Variants in EED observed in about 807,000 individuals in gnomAD.
EED encodes embryonic ectoderm development.
In EED, 9 loss-of-function variants were observed where a neutral mutation model predicts 61.0. The ratio of observed to expected loss-of-function variants is 0.15; its 90% CI spans 0.09 to 0.26. The LOEUF (loss-of-function observed/expected upper bound fraction) is 0.26, where lower values mean the gene tolerates loss of function less well. Among genes scored for constraint, EED ranks in the 10% least tolerant of loss-of-function variants. The pLI is 1.00. For synonymous variants in EED, 187 were observed against 174.4 expected, an observed-to-expected ratio of 1.07 and a Z score of -0.57; for missense variants, 315 against 542.3, an observed-to-expected ratio of 0.58 and a Z score of 4.16.
At chr11:86,280,589 C>T (rs938873652), downstream of EED, among the ~76,000 whole-genome samples, 1 of 152,054 alleles carries the variant, frequency 6.6e-6, no homozygotes, top group Admixed American at 6.5e-5. Context: ...TCTCAAGGGT[C>T]TTAGAAGTTG....
chr11:86,256,673 C>T (rs1945685027), intron 5 of EED, among the ~76,000 whole-genome samples, 161 bp downstream of exon 5: 1 of 152,150 alleles, frequency 6.6e-6, no homozygotes, highest in Admixed American at 6.5e-5. Flanking sequence ...AGACGTTTGT[C>T]ACATTTGGGT....
At chr11:86,270,659 A>G (rs1362518236) in intron 9 of EED, among the ~76,000 whole-genome samples, 1 of 152,176 alleles carries the variant, frequency 6.6e-6, no homozygotes, top group Non-Finnish European at 1.5e-5. Flanking sequence ...GCTATGTTTT[A>G]CATTAAATGT....
intron 9 of EED, among the ~76,000 whole-genome samples, chr11:86,275,593 A>G (rs1444642125): frequency 1.3e-5 from 2 of 152,098 alleles, no homozygotes; most frequent in Non-Finnish European, 2.9e-5. Context: ...CCATCCAGGG[A>G]CTCCAGTACT....
intron 6 of EED, among the ~76,000 whole-genome samples, chr11:86,263,420 A>C (rs990745642): frequency 1.3e-5 from 2 of 152,214 alleles, no homozygotes; most frequent in Non-Finnish European, 2.9e-5. Flanking sequence ...TATTTATAGC[A>C]ATAGTCCCGT....
intron 3 of EED, 114 bp from the exon 4 acceptor site, chr11:86,255,108 A>C: frequency 1.3e-6 from 1 of 744,432 alleles, no homozygotes; most frequent in South Asian, 2.2e-5. Flanking sequence ...ATTTTAAGGC[A>C]GTAGTTTCTG....
chr11:86,250,153 C>G (rs1945493886), intron 1 of EED, 143 bp from the exon 2 acceptor site: 1 of 671,412 alleles, frequency 1.5e-6, no homozygotes, highest in Non-Finnish European at 2.2e-6. Flanking sequence ...TTATGTTTAT[C>G]CTTATGTGGA....
chr11:86,253,600 C>A (rs1225502885), intron 3 of EED, among the ~76,000 whole-genome samples: 2 of 152,080 alleles, frequency 1.3e-5, no homozygotes, highest in African/African-American at 2.4e-5. Context: ...TAAGACATAA[C>A]CTAGTTAGCA....
rs1311812688 is a variant in EED at position 86,277,122 on chromosome 11, T to C, written c.1109T>C (p.Met370Thr). 2 of 1,586,032 alleles carry C rather than the reference T, an allele frequency of 1.3e-6. No homozygotes were observed. Among genetic ancestry groups the C allele is most frequent in the Non-Finnish European group, 1.7e-6 (2 of 1,161,074 alleles). ...GACATTTGGTACATGAGGTTTTCTA[T>C]GGATTTCTGGCAAAAGGTATCAACA... ...QCDIWYMRFS[M>T]DFWQKMLALG... The change falls in exon 10 of 12, where the codon ATG becomes ACG. Residue 370 changes from methionine (M) to threonine (T), a missense_variant. Around this residue, in one of 2 missense-constraint regions of EED, gnomAD observed 205 missense variants for 455.4 expected, o/e 0.45. Coordinates refer to ENST00000263360, the MANE Select transcript of EED (RefSeq NM_003797.5).
chr11:86,269,985 T>G (rs1946074527), intron 9 of EED: 1 of 602,148 alleles, frequency 1.7e-6, no homozygotes, highest in Non-Finnish European at 3.0e-6. Context: ...TGTGTGGACT[T>G]AAGTTTTCAT....
intron 9 of EED, chr11:86,270,143 C>T (rs1465505227): frequency 4.3e-6 from 3 of 700,744 alleles, no homozygotes; most frequent in Non-Finnish European, 7.8e-6. Flanking sequence ...GTCTCCGAAT[C>T]TTCGCCAGCA....
intron 8 of EED, among the ~76,000 whole-genome samples, chr11:86,267,665 A>G (rs534441750): frequency 4.5e-4 from 68 of 151,958 alleles, no homozygotes; most frequent in Middle Eastern, 3.4e-3. Context: ...CAGTGGTGCA[A>G]TCTTGGCTCA....
At chr11:86,281,590 T>G (rs1296341079), downstream of EED, among the ~76,000 whole-genome samples, 2 of 152,224 alleles carry the variant, frequency 1.3e-5, no homozygotes, top group Non-Finnish European at 2.9e-5. Flanking sequence ...CTGTTTTTGC[T>G]GCATCCCATA....
At chr11:86,282,810 T>C (rs1946338559), downstream of EED, among the ~76,000 whole-genome samples, 2 of 152,184 alleles carry the variant, frequency 1.3e-5, no homozygotes, top group African/African-American at 4.8e-5. Flanking sequence ...TGGGTATGGC[T>C]GTGTACCAAT....
downstream of EED, among the ~76,000 whole-genome samples, chr11:86,279,067 G>T (rs961772438): frequency 6.6e-6 from 1 of 152,058 alleles, no homozygotes; most frequent in African/African-American, 2.4e-5. Flanking sequence ...AGCCCTAAAT[G>T]TATTCTGTGT....
chr11:86,264,703 C>T (rs1329202002), intron 7 of EED: 1 of 152,886 alleles, frequency 6.5e-6, no homozygotes, highest in Non-Finnish European at 1.5e-5. Context: ...TAACTTATTT[C>T]TAGCCATTCT....
chr11:86,273,345 C>T (rs150277311), intron 9 of EED, among the ~76,000 whole-genome samples: 1 of 152,348 alleles, frequency 6.6e-6, no homozygotes, highest in Non-Finnish European at 1.5e-5. Flanking sequence ...CTTCCCTTTA[C>T]ATCACTTTAT....
In EED at chr11:86,264,107, C is replaced by G. The variant is rs933973783; in HGVS notation, c.635-65C>G. 6.1e-6 allele frequency: 8 copies of G among 1,305,716 alleles called. No homozygotes were observed. In the African/African-American group the frequency reaches 1.2e-4, roughly 19 times the overall value. 80.9% of individuals were successfully genotyped at this position (1,305,716 alleles called of 1,614,324 possible). A position where few individuals can be genotyped will look rare whatever the true frequency, so the allele number is the denominator to read the frequency against. On this transcript the variant is annotated intron_variant, in intron 6 of 11. Coordinates refer to ENST00000263360, the MANE Select transcript of EED (RefSeq NM_003797.5). ...ATCTAGACTTTAGTAGTTTTTCTTT[C>G]ACAAGATGTTGAAAGTTCACAGTAA...
chr11:86,249,169 TA>T (rs1267577716), intron 1 of EED, among the ~76,000 whole-genome samples: 2 of 152,168 alleles, frequency 1.3e-5, no homozygotes, highest in African/African-American at 4.8e-5. Context: ...AAAAAGAGAT[TA>T]AAATACCACA....
At chr11:86,246,010 AG>A (rs1177808594) in intron 1 of EED, among the ~76,000 whole-genome samples, 1 of 152,114 alleles carries the variant, frequency 6.6e-6, no homozygotes, top group Non-Finnish European at 1.5e-5. Flanking sequence ...GATAAAGGTG[AG>A]GGGGGTGGCG....
Sources: allele counts gnomAD v4.1 joint callset (sites outside exome capture counted in the v4.1 genomes callset), GRCh38; gene constraint gnomAD v4.1.1; regional missense constraint gnomAD v4.1.1; transcripts MANE v1.5; gene names NCBI Gene and HGNC (gene_info 2026-07-23, HGNC 2026-07-21).